ZNF729: variants seen among roughly 807,000 people sequenced by gnomAD.
ZNF729 encodes the protein zinc finger protein 729.
A neutral mutation model predicts 12.2 loss-of-function variants in ZNF729; 15 were observed. The observed-to-expected ratio is 1.23, with a 90% CI of 0.82 to 1.89. The LOEUF is 1.89. Ranked by LOEUF, ZNF729 falls within the 40% of genes most tolerant of loss-of-function variation. The pLI is 0.00. For missense variants in ZNF729, 1,540 were observed against 1,456.7 expected (o/e 1.06, Z -0.93); for synonymous variants, 492 against 476.3 (o/e 1.03, Z -0.43).
intron 3 of ZNF729, among the ~76,000 whole-genome samples, chr19:22,306,259 A>G (rs930220483): frequency 2.0e-5 from 3 of 151,862 alleles, no homozygotes; most frequent in Non-Finnish European, 4.4e-5. Context: ...GCCAACATAG[A>G]GAAACCCCGT....
chr19:22,289,554 G>A (rs756140411), intron 1 of ZNF729, among the ~76,000 whole-genome samples: 2 of 152,102 alleles, frequency 1.3e-5, no homozygotes, highest in African/African-American at 4.8e-5. Context: ...TTCTCAGAAT[G>A]AGTTTAGGAA....
Position 22,314,180 on chromosome 19 carries a change from A to G in ZNF729, c.763A>G (p.Lys255Glu). 1.3e-6 allele frequency: 2 copies of G among 1,586,092 alleles called. No individual in the cohort carries two copies. Among genetic ancestry groups the G allele is most frequent in the South Asian group, 1.1e-5 (1 of 88,534 alleles). Residue 255 changes from lysine (K) to glutamate (E), a missense_variant, in exon 4 of 4, where the codon AAG becomes GAG. Lys to Glu is a moderately conservative substitution (Grantham distance 56). Coordinates refer to ENST00000601693, the MANE Select transcript of ZNF729 (RefSeq NM_001242680.2). ...ATTTTCTTCAACGTTCACTAAACAT[A>G]AGAGAATTCATACTGGAGAGACACC... is the stretch of plus-strand genomic sequence containing the variant. ...FKFSSTFTKH[K>E]RIHTGETPFR...
chr19:22,305,117 T>G (rs79914564), intron 3 of ZNF729, among the ~76,000 whole-genome samples: 3,036 of 152,246 alleles, frequency 0.02, 101 homozygotes, highest in African/African-American at 0.069. Context: ...AGAAACTATG[T>G]TAAAAGAACC....
intron 3 of ZNF729, among the ~76,000 whole-genome samples, chr19:22,312,350 C>T (rs1378296346): frequency 2.0e-5 from 3 of 151,660 alleles, no homozygotes; most frequent in East Asian, 3.9e-4. Context: ...CATAATGTAG[C>T]CTTGTCCTGG....
chr19:22,315,114 A>T lies in ZNF729; in HGVS notation c.1697A>T (p.His566Leu), dbSNP rs1164910138. Residue 566 changes from histidine (H) to leucine (L), a missense_variant, in exon 4 of 4, where the codon CAT becomes CTT. By Grantham distance (99) the His-to-Leu change is moderately conservative. Coordinates refer to ENST00000601693, the MANE Select transcript of ZNF729 (RefSeq NM_001242680.2). The part of the protein sequence containing the change: ...SSKLTVHKVI[H>L]TGEKPCKCEE... ...AAACTTACTGTACATAAGGTAATTC[A>T]TACTGGAGAGAAACCCTGCAAATGT... 1 of 1,611,006 alleles carries T rather than the reference A, an allele frequency of 6.2e-7. No homozygotes were observed. Among genetic ancestry groups the T allele is most frequent in the Non-Finnish European group, 8.5e-7 (1 of 1,179,626 alleles).
chr19:22,317,120 A>G lies in ZNF729; in HGVS notation c.3703A>G (p.Thr1235Ala). Residue 1235 changes from threonine to alanine, a missense_variant, in exon 4 of 4, where the codon ACA (threonine) becomes GCA (alanine). Transcript: ENST00000601693. ...LSNPHTLLDK[T>A]IHTGEKPYKC... The stretch of plus-strand genomic sequence containing the variant: ...CAATCCTCACACCTTACTAGACAAA[A>G]CAATTCATACTGGAGAGAAACCCTA... 6.2e-7 allele frequency: 1 copy of G among 1,601,502 alleles called. No individual in the cohort carries two copies. Among genetic ancestry groups the G allele is most frequent in the Non-Finnish European group, 8.5e-7 (1 of 1,174,500 alleles).
At position 22,316,106 on chromosome 19, in the gene ZNF729, G is replaced by C. The variant is rs779056725; in HGVS notation, c.2689G>C (p.Val897Leu). The change falls in exon 4 of 4, where the codon GTA (valine) becomes CTA (leucine). Residue 897 changes from valine (V) to leucine (L), a missense_variant. Coordinates refer to ENST00000601693, the MANE Select transcript of ZNF729 (RefSeq NM_001242680.2). Reference protein sequence around the residue: ...KAFKWLSKLTVHKVIHTAEKP... With the variant: ...KAFKWLSKLTLHKVIHTAEKP... Reference sequence around the variant, plus strand: ...TTTTAAGTGGTTGTCAAAACTTACTGTACATAAGGTAATTCATACTGCAGA... The same window carrying C: ...TTTTAAGTGGTTGTCAAAACTTACTCTACATAAGGTAATTCATACTGCAGA... 9.9e-6 allele frequency: 16 copies of C among 1,608,124 alleles called. No individual in the cohort carries two copies. The South Asian group carries it at 1.8e-4, about 18-fold the overall frequency.
intron 1 of ZNF729, among the ~76,000 whole-genome samples, chr19:22,297,250 G>T (rs1229187044): frequency 1.3e-5 from 2 of 150,354 alleles, no homozygotes; most frequent in Non-Finnish European, 3.0e-5. Flanking sequence ...TTATTTATGT[G>T]TACCAATACA....
At chr19:22,306,706 C>T (rs1038634788) in intron 3 of ZNF729, among the ~76,000 whole-genome samples, 11 of 151,074 alleles carry the variant, frequency 7.3e-5, no homozygotes, top group African/African-American at 2.7e-4. Context: ...GAACAAAAAA[C>T]TATATTTTTA....
chr19:22,292,711 A>C (rs1968171633), intron 1 of ZNF729, among the ~76,000 whole-genome samples: 1 of 152,078 alleles, frequency 6.6e-6, no homozygotes, highest in South Asian at 2.1e-4. Context: ...AGAGTGCTGG[A>C]ACTACAGGCA....
At chr19:22,302,347 C>G (rs886659491) in intron 1 of ZNF729, among the ~76,000 whole-genome samples, 1 of 152,310 alleles carries the variant, frequency 6.6e-6, no homozygotes, top group Non-Finnish European at 1.5e-5. Context: ...AATTAAACGT[C>G]ATCATATCAT....
intron 1 of ZNF729, among the ~76,000 whole-genome samples, chr19:22,302,140 TA>T (rs1226035057): frequency 6.6e-5 from 10 of 152,424 alleles, no homozygotes; most frequent in African/African-American, 2.4e-4. Flanking sequence ...ATACAAGAGA[TA>T]CCTTTAGTTG....
intron 1 of ZNF729, among the ~76,000 whole-genome samples, chr19:22,288,057 G>C (rs1260944364): frequency 6.6e-6 from 1 of 151,968 alleles, no homozygotes; most frequent in East Asian, 1.9e-4. Flanking sequence ...TGTTGGCCAG[G>C]CTGGTCTCGA....
chr19:22,291,034 AG>A (rs1201534374), intron 1 of ZNF729, among the ~76,000 whole-genome samples: 5 of 152,198 alleles, frequency 3.3e-5, no homozygotes, highest in Non-Finnish European at 7.3e-5. Context: ...TGGCATCTGC[AG>A]TAAGAACAAT....
Position 22,314,461 on chromosome 19 carries a change from C to A in ZNF729, c.1044C>A (p.Tyr348Ter). Residue 348 changes from tyrosine (Y) to a stop codon, truncating the protein, a stop_gained, in exon 4 of 4, where the codon TAC becomes TAA. Coordinates refer to ENST00000601693, the MANE Select transcript of ZNF729 (RefSeq NM_001242680.2). LOFTEE classifies it low-confidence loss of function (END_TRUNC). ...TAATTCATACTGGAAAGAAACCCTA[C>A]AAGCGTGAAGAATGTGGCAAAGCTT... ...HKIIHTGKKP[Y>*]KREECGKAFS... is the part of the protein sequence containing the mutation. 2.5e-6 allele frequency: 4 copies of A among 1,604,948 alleles called. 1 individual carries two copies. The highest frequency in any genetic ancestry group is 2.6e-6 in the Non-Finnish European group (3 of 1,175,864).
intron 1 of ZNF729, among the ~76,000 whole-genome samples, chr19:22,294,551 T>G (rs1192698915): frequency 1.3e-5 from 2 of 152,108 alleles, no homozygotes; most frequent in Non-Finnish European, 2.9e-5. Context: ...TTTCTTTTTT[T>G]GGGCATTATG....
At position 22,316,018 on chromosome 19, in the gene ZNF729, T is replaced by G; in HGVS notation, c.2601T>G (p.Leu867=). ...AAGCTTTTAGCCAATCCTCATCCCT[T>G]AGAAAACATGAGATAATTCATAGTG... ...CGKAFSQSSS[L]RKHEIIHSGE... The change falls in exon 4 of 4, where the codon CTT becomes CTG. Residue 867 remains leucine (L), a synonymous_variant. Coordinates refer to ENST00000601693, the MANE Select transcript of ZNF729 (RefSeq NM_001242680.2). 1.9e-6 allele frequency: 3 copies of G among 1,610,842 alleles called. No individual in the cohort carries two copies. The highest frequency in any genetic ancestry group is 2.5e-6 in the Non-Finnish European group (3 of 1,179,702).
intron 1 of ZNF729, among the ~76,000 whole-genome samples, chr19:22,287,250 T>A (rs1968090793): frequency 6.7e-6 from 1 of 149,958 alleles, no homozygotes; most frequent in South Asian, 2.1e-4. Context: ...AAAAAAAAAA[T>A]GCACTTGAAT....
intron 3 of ZNF729, among the ~76,000 whole-genome samples, chr19:22,307,174 G>A (rs1350290754): frequency 6.6e-6 from 1 of 151,714 alleles, no homozygotes; most frequent in African/African-American, 2.4e-5. Flanking sequence ...ACTAATTTTA[G>A]CATTTCTCTT....
Sources: allele counts gnomAD v4.1 joint callset (sites outside exome capture counted in the v4.1 genomes callset), GRCh38; gene constraint gnomAD v4.1.1; transcripts MANE v1.5; gene names NCBI Gene and HGNC (gene_info 2026-07-23, HGNC 2026-07-21).